The following DAPK2 variants were observed in gnomAD, a reference collection of about 807,000 sequenced individuals.
The protein encoded by DAPK2 is death associated protein kinase 2, also known as death-associated protein kinase 2.
A neutral mutation model predicts 44.1 loss-of-function variants in DAPK2; 35 were observed. That is an observed-to-expected ratio of 0.79 (90% CI 0.61 to 1.05). The LOEUF is 1.05. Among genes scored for constraint, DAPK2 ranks in the 50% least tolerant of loss-of-function variants. The pLI, the probability that DAPK2 is intolerant of heterozygous loss-of-function variation, is 0.00. For synonymous variants in DAPK2, 174 were observed against 182.6 expected (o/e 0.95, Z 0.38); for missense variants, 453 against 483.2 (o/e 0.94, Z 0.59).
intron 3 of DAPK2, among the ~76,000 whole-genome samples, chr15:63,950,573 A>C (rs1409772557): frequency 6.6e-6 from 1 of 152,082 alleles, no homozygotes; most frequent in Non-Finnish European, 1.5e-5. Flanking sequence ...AGAAAAAAAC[A>C]CTGTTTTATT....
chr15:64,016,874 AGGAAGGAAG>A (rs2079546155), intron 1 of DAPK2, among the ~76,000 whole-genome samples: 1 of 150,474 alleles, frequency 6.6e-6, no homozygotes, highest in East Asian at 2.0e-4. Flanking sequence ...GAAGGAAGGA[AGGAAGGAAG>A]GAAGGAAGGA....
At chr15:64,016,875 GGAAGGAAGGA>G in intron 1 of DAPK2, among the ~76,000 whole-genome samples, 1 of 149,928 alleles carries the variant, frequency 6.7e-6, no homozygotes, top group Non-Finnish European at 1.5e-5. Context: ...AAGGAAGGAA[GGAAGGAAGGA>G]AGGAAGGAAG....
intron 6 of DAPK2, among the ~76,000 whole-genome samples, chr15:63,927,063 C>T (rs1490472503): frequency 6.6e-6 from 1 of 152,182 alleles, no homozygotes; most frequent in Admixed American, 6.5e-5. Context: ...GAAGCTAGAA[C>T]CCCTTGTGTA....
At chr15:64,043,773 G>A (rs555687465), upstream of DAPK2, among the ~76,000 whole-genome samples, 76 of 152,296 alleles carry the variant, frequency 5.0e-4, 1 homozygote, top group South Asian at 0.015. Flanking sequence ...TGTTTTAAAC[G>A]GTCCATGGAT....
intron 1 of DAPK2, among the ~76,000 whole-genome samples, chr15:64,030,734 G>A (rs2079986442): frequency 6.6e-6 from 1 of 152,052 alleles, no homozygotes; most frequent in African/African-American, 2.4e-5. Flanking sequence ...GAATTAGGCT[G>A]AGGCGAAAAG....
chr15:63,949,614 A>T (rs940512064), intron 3 of DAPK2, among the ~76,000 whole-genome samples: 2 of 152,134 alleles, frequency 1.3e-5, no homozygotes, highest in Non-Finnish European at 2.9e-5. Context: ...GGAATTCCCA[A>T]ACCAACTAAA....
intron 3 of DAPK2, among the ~76,000 whole-genome samples, chr15:63,951,182 G>C (rs551452331): frequency 2.6e-5 from 4 of 152,286 alleles, no homozygotes; most frequent in African/African-American, 9.6e-5. Context: ...TCTCAAGTTG[G>C]ATCAGGCTTG....
chr15:63,925,663 A>T (rs2079224394), intron 7 of DAPK2, among the ~76,000 whole-genome samples: 1 of 146,780 alleles, frequency 6.8e-6, no homozygotes, highest in African/African-American at 2.5e-5. Flanking sequence ...AAAGAAACCC[A>T]GGCTGACTTG....
intron 1 of DAPK2, among the ~76,000 whole-genome samples, chr15:63,992,164 CAA>C (rs963863972): frequency 5.9e-5 from 9 of 152,166 alleles, no homozygotes; most frequent in African/African-American, 1.9e-4. Context: ...CTCAAGCCTG[CAA>C]GTCTAGGACC....
chr15:64,035,510 C>T (rs933724284), intron 1 of DAPK2, among the ~76,000 whole-genome samples: 4 of 152,198 alleles, frequency 2.6e-5, no homozygotes, highest in Admixed American at 1.3e-4. Flanking sequence ...CCTTATGATG[C>T]GGTAGCCAGA....
intron 8 of DAPK2, among the ~76,000 whole-genome samples, chr15:63,914,369 G>A (rs903829519): frequency 6.6e-6 from 1 of 152,176 alleles, no homozygotes; most frequent in Non-Finnish European, 1.5e-5. Context: ...AAGAGAGGAG[G>A]GGAAGGAGAA....
rs2079100726 is a variant in DAPK2 at position 63,922,436 on chromosome 15, C to T, written c.858+2380G>A. The T allele has an allele frequency of 1.8e-5, 21 of 1,141,460 alleles. No homozygotes were observed. In the South Asian group the frequency reaches 4.4e-4, roughly 24 times the overall value. The allele number at this position is 1,141,460 out of a possible 1,614,324, so 70.7% of individuals were successfully genotyped here. On this transcript the variant is annotated intron_variant, in intron 8 of 10. Transcript: ENST00000261891. ...ATCACAAATCAATTCTCAAGCATTT[C>T]CCCAGGGCCAGCCATCCTCCCTCTG...
intron 1 of DAPK2, among the ~76,000 whole-genome samples, chr15:63,999,775 A>ATT (rs201795718): frequency 3.3e-5 from 5 of 150,262 alleles, no homozygotes; most frequent in African/African-American, 1.2e-4. Context: ...TTATTTTTTT[A>ATT]TTTTTTTTGA....
At position 63,912,127 on chromosome 15, in the gene DAPK2, T is replaced by A. The variant is rs765387382; in HGVS notation, c.929A>T (p.Tyr310Phe). The change falls in exon 9 of 11, where the codon TAT becomes TTT. Residue 310 changes from tyrosine (Y) to phenylalanine (F), a missense_variant. Tyr to Phe is a conservative substitution (Grantham distance 22). Transcript: ENST00000261891. This position sits in a 1 kb window ranked among gnomAD's most constrained non-coding sequence, Gnocchi z 4.4. ...ACACACCTTCCACCGCCTGCGGACA[T>A]ACTGCTTCCTGAAGTTCTCCAGATT... The A allele has an allele frequency of 5.1e-6, 7 of 1,367,822 alleles. No individual in the cohort carries two copies. The highest frequency in any genetic ancestry group is 6.8e-6 in the Non-Finnish European group (7 of 1,027,378). The allele number at this position is 1,367,822 out of a possible 1,614,324, so 84.7% of individuals were successfully genotyped here.
At chr15:63,971,966 T>C (rs1317560079) in intron 2 of DAPK2, among the ~76,000 whole-genome samples, 1 of 152,176 alleles carries the variant, frequency 6.6e-6, no homozygotes, top group Admixed American at 6.5e-5. Flanking sequence ...AAGGTGATGG[T>C]ATTAGGAGAT....
intron 3 of DAPK2, among the ~76,000 whole-genome samples, chr15:63,965,336 C>T (rs1261778767): frequency 6.6e-6 from 1 of 152,240 alleles, no homozygotes; most frequent in Non-Finnish European, 1.5e-5. Context: ...TACTGACCTG[C>T]CTGGGGCTAG....
chr15:63,941,309 C>A (rs1413509341), intron 3 of DAPK2, among the ~76,000 whole-genome samples: 1 of 152,206 alleles, frequency 6.6e-6, no homozygotes, highest in East Asian at 1.9e-4. Context: ...CCAGGCCCCA[C>A]CAGGCTTATT....
At chr15:64,033,248 A>G (rs1595917670) in intron 1 of DAPK2, among the ~76,000 whole-genome samples, 1 of 80,606 alleles carries the variant, frequency 1.2e-5, no homozygotes, top group Non-Finnish European at 2.4e-5. Flanking sequence ...TAACAGAGAG[A>G]CCCCTGGGGA....
chr15:64,033,277 AG>A (rs2080073999), intron 1 of DAPK2, among the ~76,000 whole-genome samples: 28 of 49,556 alleles, frequency 5.7e-4, no homozygotes, highest in Non-Finnish European at 1.0e-4. Flanking sequence ...GGGAGGGGGA[AG>A]GGGGAAGGGG....
Sources: allele counts gnomAD v4.1 joint callset (sites outside exome capture counted in the v4.1 genomes callset), GRCh38; gene constraint gnomAD v4.1.1; non-coding constraint Gnocchi (gnomAD v3.1); transcripts MANE v1.5; gene names NCBI Gene and HGNC (gene_info 2026-07-23, HGNC 2026-07-21).